The following DEAF1 variants were observed in gnomAD, a reference collection of about 807,000 sequenced individuals.
DEAF1 encodes DEAF1 transcription factor, also known as deformed epidermal autoregulatory factor 1 homolog.
DEAF1 carries 53 observed loss-of-function variants against 58.9 expected under a neutral mutation model. The ratio of observed to expected loss-of-function variants is 0.90; its 90% CI spans 0.72 to 1.13. The LOEUF is 1.13. Ranked by LOEUF, DEAF1 falls within the 50% of genes most tolerant of loss-of-function variation. The pLI, the probability that DEAF1 is intolerant of heterozygous loss-of-function variation, is 0.00. For synonymous variants in DEAF1, 385 were observed against 340.4 expected (o/e 1.13, Z -1.44); for missense variants, 685 against 791.4 (o/e 0.87, Z 1.61).
intron 10 of DEAF1, among the ~76,000 whole-genome samples, chr11:654,318 C>T (rs552812385): frequency 6.6e-6 from 1 of 151,216 alleles, no homozygotes; most frequent in African/African-American, 2.5e-5. Flanking sequence ...AGGTGCCTGA[C>T]ACCACGCCCA....
intron 4 of DEAF1, among the ~76,000 whole-genome samples, chr11:687,647 G>T (rs1375335870): frequency 1.3e-5 from 2 of 152,252 alleles, no homozygotes; most frequent in African/African-American, 4.8e-5. Flanking sequence ...ACAGGCGCCT[G>T]CCACCACGCT....
chr11:692,138 C>G (rs991065984), intron 1 of DEAF1: 3 of 226,478 alleles, frequency 1.3e-5, no homozygotes, highest in African/African-American at 6.7e-5. Context: ...AAAAGTACAT[C>G]TAACCTGCCT....
chr11:680,184 G>A (rs764278800), intron 7 of DEAF1: 5 of 324,874 alleles, frequency 1.5e-5, no homozygotes, highest in South Asian at 5.2e-5. Flanking sequence ...AAAAGCAGCC[G>A]TGTCCCACAG....
chr11:653,623 C>T (rs1193839776), intron 11 of DEAF1, among the ~76,000 whole-genome samples: 1 of 148,218 alleles, frequency 6.7e-6, no homozygotes, highest in African/African-American at 2.5e-5. Context: ...TCTCACGTGG[C>T]TCTGCAGGGG....
intron 11 of DEAF1, among the ~76,000 whole-genome samples, chr11:648,175 A>C (rs1321054099): frequency 1.3e-5 from 2 of 150,192 alleles, no homozygotes; most frequent in East Asian, 3.9e-4. Context: ...CTCTACAATT[A>C]ATTTTTAAAA....
At chr11:701,535 C>T (rs1197819249) in intron 1 of DEAF1, among the ~76,000 whole-genome samples, 3 of 151,770 alleles carry the variant, frequency 2.0e-5, no homozygotes, top group Admixed American at 6.6e-5. Flanking sequence ...CTCAGCCTCC[C>T]GAGTAACTGG....
At chr11:680,138 G>A (rs1231971457) in intron 7 of DEAF1, 5 of 378,658 alleles carry the variant, frequency 1.3e-5, no homozygotes, top group South Asian at 2.6e-5. Flanking sequence ...TTCGTGGTTC[G>A]AATTAAGAAA....
chr11:679,595 A>G, intron 8 of DEAF1, 93 bp downstream of exon 8: 1 of 1,584,262 alleles, frequency 6.3e-7, no homozygotes, highest in African/African-American at 1.3e-5. Flanking sequence ...CGAGGCACCC[A>G]GCAGCCTATG....
At chr11:655,341 G>C (rs1006723601) in intron 10 of DEAF1, among the ~76,000 whole-genome samples, 2 of 152,184 alleles carry the variant, frequency 1.3e-5, no homozygotes, top group African/African-American at 4.8e-5. Flanking sequence ...CTTTCTCCTG[G>C]AATTACATTA....
At chr11:667,321 AAAAG>A (rs1396905698) in intron 10 of DEAF1, among the ~76,000 whole-genome samples, 1 of 131,184 alleles carries the variant, frequency 7.6e-6, no homozygotes, top group Non-Finnish European at 1.5e-5. Context: ...CCTGTCTCAA[AAAAG>A]AAAGAAAAAA....
chr11:679,073 G>C (rs777960019), intron 8 of DEAF1, among the ~76,000 whole-genome samples: 1 of 152,142 alleles, frequency 6.6e-6, no homozygotes, highest in African/African-American at 2.4e-5. Flanking sequence ...AGCACTTTGG[G>C]AGGCCAAGAT....
Position 674,587 on chromosome 11 carries a change from T to C in DEAF1, c.1452A>G (p.Arg484=). 6.2e-7 allele frequency: 1 copy of C among 1,614,154 alleles called. No homozygotes were observed. Residue 484 remains arginine (R), a synonymous_variant, in exon 10 of 12, where the codon CGA becomes CGG. Coordinates refer to ENST00000382409, the MANE Select transcript of DEAF1 (RefSeq NM_021008.4). ...FEQAKHASTY[R]EAATNQAKIH... is the part of the protein sequence containing the mutation. ...TCTTGGCCTGGTTTGTGGCAGCTTC[T>C]CGGTAGGTGCTGGCATGCTTGGCTT...
In DEAF1 at chr11:674,701, C is replaced by T. The variant is rs1193542836; in HGVS notation, c.1338G>A (p.Glu446=). Residue 446 remains glutamate (E), a synonymous_variant, in exon 10 of 12, where the codon GAG becomes GAA. Transcript: ENST00000382409. ...ACAGCCAGCTCCGCGGCTCTGACAGCTCCAGCCCATTGACCAACGCGGGAG... is the reference window on the plus strand; with the variant it reads ...ACAGCCAGCTCCGCGGCTCTGACAGTTCCAGCCCATTGACCAACGCGGGAG... ...AAPPALVNGL[E]LSEPRSWLYL... 2 of 1,614,018 alleles carry T rather than the reference C, an allele frequency of 1.2e-6. No homozygotes were observed. Among genetic ancestry groups the T allele is most frequent in the Middle Eastern group, 1.6e-4 (1 of 6,062 alleles).
At chr11:669,703 G>A (rs1169140166) in intron 10 of DEAF1, among the ~76,000 whole-genome samples, 1 of 151,842 alleles carries the variant, frequency 6.6e-6, no homozygotes, top group Non-Finnish European at 1.5e-5. Context: ...GCTGAGGCAG[G>A]AGGATCACCT....
chr11:644,442 C>CA lies in DEAF1; in HGVS notation c.*107dup. ...TGTCCAGCAAGTTTCTTTACCTTCC[C>CA]ACACCCCTCTTCTCAACGTCCCCCC... On this transcript the variant is annotated 3_prime_UTR_variant, in exon 12 of 12. Coordinates refer to ENST00000382409, the MANE Select transcript of DEAF1 (RefSeq NM_021008.4). The surrounding 1 kb of genome is among the most constrained non-coding windows in gnomAD (Gnocchi z 4.3). The CA allele has an allele frequency of 1.2e-6, 1 of 826,028 alleles. No individual in the cohort carries two copies. Among genetic ancestry groups the CA allele is most frequent in the Non-Finnish European group, 2.0e-6 (1 of 497,880 alleles). The allele number at this position is 826,028 out of a possible 1,614,324, so 51.2% of individuals were successfully genotyped here.
intron 10 of DEAF1, among the ~76,000 whole-genome samples, chr11:670,151 C>A (rs984113142): frequency 1.5e-4 from 23 of 151,716 alleles, no homozygotes; most frequent in Admixed American, 3.9e-4. Context: ...ATGAGTGGTG[C>A]TTCTGCAGGG....
At chr11:693,973 G>A (rs1035683882) in intron 1 of DEAF1, among the ~76,000 whole-genome samples, 1 of 152,154 alleles carries the variant, frequency 6.6e-6, no homozygotes, top group Admixed American at 6.5e-5. Flanking sequence ...AGCCCCCCTG[G>A]GCCACCACAC....
In DEAF1 at chr11:660,790, G is replaced by A. The variant is rs1241300231; in HGVS notation, c.1504-6739C>T. Among the ~76,000 whole-genome samples, 8 of 152,240 alleles carry A rather than the reference G, an allele frequency of 5.3e-5. 1 individual carries two copies. The highest frequency in any genetic ancestry group is 1.2e-4 in the Non-Finnish European group (8 of 68,040). ...AGGCTGACACTGGAGAACAAGGCAG[G>A]CAAAAGCCTTCATTTACAGAAACCC... On this transcript the variant is annotated intron_variant, in intron 10 of 11. Transcript: ENST00000382409.
intron 10 of DEAF1, among the ~76,000 whole-genome samples, chr11:660,773 A>G (rs1328733186): frequency 1.3e-5 from 2 of 152,236 alleles, no homozygotes; most frequent in African/African-American, 2.4e-5. Flanking sequence ...TTAGGCTGAC[A>G]CTGGAGAACA....
Sources: gnomAD v4.1 joint callset for allele counts (sites outside exome capture counted in the v4.1 genomes callset) on GRCh38, gnomAD v4.1.1 for gene constraint, Gnocchi (gnomAD v3.1) non-coding constraint, MANE v1.5 for transcripts, NCBI Gene and HGNC (gene_info 2026-07-23, HGNC 2026-07-21) for gene names.